PRRC2B: variants seen among roughly 807,000 people sequenced by gnomAD.
The protein encoded by PRRC2B is protein PRRC2B.
PRRC2B carries 68 observed loss-of-function variants against 242.3 expected under a neutral mutation model. The observed-to-expected ratio is 0.28, with a 90% CI of 0.23 to 0.34. The LOEUF (loss-of-function observed/expected upper bound fraction) is 0.34. PRRC2B is among the 10% of genes least tolerant of loss of function. The pLI is 1.00. For synonymous variants in PRRC2B, 1,228 were observed against 1,173.6 expected (o/e 1.05, Z -0.95); for missense variants, 2,835 against 2,954.8 (o/e 0.96, Z 0.94).
intron 1 of PRRC2B, among the ~76,000 whole-genome samples, chr9:131,387,343 C>G (rs537299023): frequency 1.3e-5 from 2 of 150,098 alleles, no homozygotes; most frequent in Non-Finnish European, 3.0e-5. Flanking sequence ...TTTTATGTTC[C>G]GTGGCAGCTG....
chr9:131,400,915 G>A (rs1385925781), intron 1 of PRRC2B, among the ~76,000 whole-genome samples: 1 of 151,964 alleles, frequency 6.6e-6, no homozygotes, highest in African/African-American at 2.4e-5. Flanking sequence ...AGGCCCTGGA[G>A]AGCCCCCCAC....
chr9:131,491,649 T>C, intron 29 of PRRC2B, 69 bp downstream of exon 29: 1 of 1,411,948 alleles, frequency 7.1e-7, no homozygotes, highest in South Asian at 1.4e-5. Context: ...TCTAGCAAGC[T>C]AAGTACCCCT....
chr9:131,457,877 C>A (rs537692101), intron 10 of PRRC2B, among the ~76,000 whole-genome samples: 6 of 152,292 alleles, frequency 3.9e-5, no homozygotes, highest in African/African-American at 1.4e-4. Flanking sequence ...CCTCTGTAAT[C>A]TCCTAAGCTA....
intron 9 of PRRC2B, among the ~76,000 whole-genome samples, chr9:131,448,563 A>AAAAAAAAAAAAAAAAC (rs1838901335): frequency 7.3e-6 from 1 of 137,906 alleles, no homozygotes; most frequent in Non-Finnish European, 1.6e-5. Flanking sequence ...AAAAAAAAAA[A>AAAAAAAAAAAAAAAAC]AAAAAAAGGA....
At chr9:131,420,945 T>C (rs1045515541) in intron 1 of PRRC2B, among the ~76,000 whole-genome samples, 1 of 152,170 alleles carries the variant, frequency 6.6e-6, no homozygotes, top group Non-Finnish European at 1.5e-5. Flanking sequence ...CATCTTGCAA[T>C]GTATTCATGT....
Position 131,462,836 on chromosome 9 carries a change from T to TAAAAAAAAAAAAAAAAAAAAAAAAA in PRRC2B, c.1405-1907_1405-1906insAAAAAAAAAAAAAAAAAAAAAAAAA, listed in dbSNP as rs553444971. ...CTGGGTGACAGAGTGAGACTCCGTC[T>TAAAAAAAAAAAAAAAAAAAAAAAAA]AAAAAAAAAAAAAAAAAAAAGGTCT... On this transcript the variant is annotated intron_variant, in intron 11 of 31. Transcript: ENST00000683519. Among the ~76,000 whole-genome samples, 2 of 81,940 alleles carry TAAAAAAAAAAAAAAAAAAAAAAAAA rather than the reference T, an allele frequency of 2.4e-5. 1 individual carries two copies. 53.8% of individuals were successfully genotyped at this position (81,940 alleles called of 152,430 possible). A position where few individuals can be genotyped will look rare whatever the true frequency, so the allele number is the denominator to read the frequency against.
At chr9:131,402,632 G>C (rs1477109183) in intron 1 of PRRC2B, among the ~76,000 whole-genome samples, 1 of 152,130 alleles carries the variant, frequency 6.6e-6, no homozygotes, top group East Asian at 1.9e-4. Flanking sequence ...TCTGAGAAGG[G>C]GGTCTTATAG....
chr9:131,392,509 T>C (rs1836918636), upstream of PRRC2B, among the ~76,000 whole-genome samples: 1 of 152,212 alleles, frequency 6.6e-6, no homozygotes, highest in Non-Finnish European at 1.5e-5. Context: ...GCCAATTCTA[T>C]GGCCTTCCTG....
At chr9:131,391,220 G>C (rs72770775), upstream of PRRC2B, among the ~76,000 whole-genome samples, 3 of 151,988 alleles carry the variant, frequency 2.0e-5, no homozygotes, top group Non-Finnish European at 4.4e-5. Flanking sequence ...TGGAGGTCAC[G>C]GTGGTTGGCA....
intron 1 of PRRC2B, among the ~76,000 whole-genome samples, chr9:131,380,317 C>T (rs946815445): frequency 2.0e-5 from 3 of 151,264 alleles, no homozygotes; most frequent in Admixed American, 6.6e-5. Flanking sequence ...GTGGCTCACA[C>T]GTGTAATCTC....
chr9:131,448,543 C>CAAAAAAAAAAAAAAAAAACAAA (rs1838885117), intron 9 of PRRC2B, among the ~76,000 whole-genome samples: 2 of 39,892 alleles, frequency 5.0e-5, no homozygotes, highest in Non-Finnish European at 1.1e-4. Flanking sequence ...GACACTGTCT[C>CAAAAAAAAAAAAAAAAAACAAA]AAAAAAAAAA....
chr9:131,400,155 C>T (rs1052707703), intron 1 of PRRC2B, among the ~76,000 whole-genome samples: 2 of 152,098 alleles, frequency 1.3e-5, no homozygotes, highest in African/African-American at 4.8e-5. Flanking sequence ...GTGATCTCAG[C>T]TCACCGTAAC....
At chr9:131,425,373 A>G (rs1837950442) in intron 1 of PRRC2B, among the ~76,000 whole-genome samples, 1 of 152,134 alleles carries the variant, frequency 6.6e-6, no homozygotes, top group Non-Finnish European at 1.5e-5. Context: ...TGTGCCAGGT[A>G]GTTACACTGA....
In PRRC2B at chr9:131,432,833, TC is replaced by T. The variant is rs1339111321; in HGVS notation, c.293+41del. On this transcript the variant is annotated intron_variant, in intron 3 of 31. Coordinates refer to ENST00000683519, the MANE Select transcript of PRRC2B (RefSeq NM_013318.4). Reference sequence around the variant, plus strand: ...GCGGGTGGTGAGTGGGAGCTGGCGCTCCAAGGGTGGTCCCGGCATCCTTCCC... The same window carrying T: ...GCGGGTGGTGAGTGGGAGCTGGCGCTCAAGGGTGGTCCCGGCATCCTTCCC... The T allele has an allele frequency of 1.9e-6, 3 of 1,603,658 alleles. No homozygotes were observed. The East Asian group carries it at 6.7e-5, about 36-fold the overall frequency.
In PRRC2B at chr9:131,485,096, C is replaced by A; in HGVS notation, c.5714C>A (p.Pro1905Gln). The A allele has an allele frequency of 6.2e-7, 1 of 1,602,668 alleles. No individual in the cohort carries two copies. Among genetic ancestry groups the A allele is most frequent in the Non-Finnish European group, 8.5e-7 (1 of 1,174,276 alleles). Residue 1905 changes from proline to glutamine, a missense_variant, in exon 25 of 32, where the codon CCA becomes CAA. Pro to Gln is a moderately conservative substitution (Grantham distance 76, BLOSUM62 -1). Around this residue, in one of 7 missense-constraint regions of PRRC2B, gnomAD observed 574 missense variants for 626.0 expected, o/e 0.92. Coordinates refer to ENST00000683519, the MANE Select transcript of PRRC2B (RefSeq NM_013318.4). Reference sequence around the variant, plus strand: ...AGCTCCTTCGGTGGAGTGTCCATGCCACCCATGCCTGTGGCCTCTGTAGCA... The same window carrying A: ...AGCTCCTTCGGTGGAGTGTCCATGCAACCCATGCCTGTGGCCTCTGTAGCA... ...NYSSFGGVSM[P>Q]PMPVASVAPS...
chr9:131,480,957 G>C (rs1005228232), intron 19 of PRRC2B, among the ~76,000 whole-genome samples: 1 of 151,728 alleles, frequency 6.6e-6, no homozygotes, highest in East Asian at 1.9e-4. Context: ...GATCACTTGA[G>C]ATCAGGAGTT....
intron 1 of PRRC2B, among the ~76,000 whole-genome samples, chr9:131,420,453 T>TCTTTCTTTCTTTCTTTCTTTCTTTCTTTC (rs1837776424): frequency 3.3e-5 from 2 of 60,986 alleles, no homozygotes; most frequent in African/African-American, 1.1e-4. Context: ...TTCTTTTTCT[T>TCTTTCTTTCTTTCTTTCTTTCTTTCTTTC]TTTCTTTCTT....
chr9:131,428,666 G>A (rs1309696823), intron 1 of PRRC2B, among the ~76,000 whole-genome samples: 1 of 152,066 alleles, frequency 6.6e-6, no homozygotes, highest in Non-Finnish European at 1.5e-5. Context: ...CAAAGTGTTG[G>A]GATTATAGGT....
intron 9 of PRRC2B, 127 bp from the exon 10 acceptor site, chr9:131,454,949 C>T (rs1446685355): frequency 1.0e-5 from 7 of 674,774 alleles, no homozygotes; most frequent in Non-Finnish European, 1.8e-5. Context: ...GTCTCAAACT[C>T]CTGTCCTCAT....
Sources: gnomAD v4.1 joint callset for allele counts (sites outside exome capture counted in the v4.1 genomes callset) on GRCh38, gnomAD v4.1.1 for gene constraint, gnomAD v4.1.1 regional missense constraint, MANE v1.5 for transcripts, NCBI Gene and HGNC (gene_info 2026-07-23, HGNC 2026-07-21) for gene names.